ERC2: variants seen among roughly 807,000 people sequenced by gnomAD.
The protein encoded by ERC2 is ERC protein 2.
In ERC2, 42 loss-of-function variants were observed where a neutral mutation model predicts 114.8. The ratio of observed to expected loss-of-function variants is 0.37; its 90% CI spans 0.29 to 0.47. The LOEUF is 0.47. Ranked by LOEUF, ERC2 falls within the 20% of genes least tolerant of loss-of-function variation. ERC2 has a pLI of 0.99. For missense variants in ERC2, 939 were observed against 1,150.7 expected (o/e 0.82, Z 2.66); for synonymous variants, 454 against 425.5 (o/e 1.07, Z -0.82).
At chr3:55,555,210 A>G (rs2055517912) in intron 17 of ERC2, among the ~76,000 whole-genome samples, 1 of 152,230 alleles carries the variant, frequency 6.6e-6, no homozygotes, top group Non-Finnish European at 1.5e-5. Flanking sequence ...CTCTGCATCC[A>G]CAACTACTGT....
intron 3 of ERC2, among the ~76,000 whole-genome samples, chr3:56,221,687 G>A (rs1044885503): frequency 1.3e-5 from 2 of 152,128 alleles, no homozygotes; most frequent in South Asian, 2.1e-4. Context: ...GGTGGATCAC[G>A]AGGTCAGGAG....
intron 14 of ERC2, among the ~76,000 whole-genome samples, chr3:55,792,756 A>G (rs1248438391): frequency 6.6e-6 from 1 of 152,232 alleles, no homozygotes; most frequent in African/African-American, 2.4e-5. Flanking sequence ...AAAGCTAAGA[A>G]GTTGAAACCA....
At chr3:55,644,861 G>A (rs531953030) in intron 17 of ERC2, among the ~76,000 whole-genome samples, 20 of 152,074 alleles carry the variant, frequency 1.3e-4, no homozygotes, top group African/African-American at 4.3e-4. Context: ...CATCCAAGGA[G>A]CCCATGACCT....
intron 10 of ERC2, among the ~76,000 whole-genome samples, chr3:56,005,369 G>C (rs186922415): frequency 2.0e-5 from 3 of 151,974 alleles, no homozygotes; most frequent in East Asian, 3.9e-4. Context: ...GTCTACCTGC[G>C]AGTCAAAGGA....
intron 2 of ERC2, among the ~76,000 whole-genome samples, chr3:56,381,964 T>G (rs1428611123): frequency 6.6e-6 from 1 of 152,170 alleles, no homozygotes; most frequent in Non-Finnish European, 1.5e-5. Context: ...CCTGACTTAA[T>G]CCATTCACCT....
At chr3:56,291,380 T>C (rs1434853614) in intron 3 of ERC2, among the ~76,000 whole-genome samples, 2 of 152,232 alleles carry the variant, frequency 1.3e-5, no homozygotes, top group Non-Finnish European at 2.9e-5. Flanking sequence ...TCCAAGTAAG[T>C]TGAGATCATA....
At chr3:56,125,928 T>C (rs1360927107) in intron 6 of ERC2, among the ~76,000 whole-genome samples, 1 of 152,170 alleles carries the variant, frequency 6.6e-6, no homozygotes. Flanking sequence ...TAATTTACTT[T>C]TATTTCATTT....
chr3:56,465,288 A>T (rs1230614003), intron 1 of ERC2, among the ~76,000 whole-genome samples: 1 of 152,152 alleles, frequency 6.6e-6, no homozygotes, highest in African/African-American at 2.4e-5. Flanking sequence ...AATCCCAGCT[A>T]CTTGGGAGGC....
At chr3:55,800,430 C>A (rs2070951185) in intron 14 of ERC2, among the ~76,000 whole-genome samples, 2 of 152,092 alleles carry the variant, frequency 1.3e-5, no homozygotes. Flanking sequence ...GTGTGAGCCA[C>A]CGCGCCTAGC....
At chr3:55,792,687 C>T (rs188289777) in intron 14 of ERC2, among the ~76,000 whole-genome samples, 1 of 152,268 alleles carries the variant, frequency 6.6e-6, no homozygotes, top group African/African-American at 2.4e-5. Context: ...GGATCCCGGA[C>T]AACTTTTCCA....
intron 13 of ERC2, among the ~76,000 whole-genome samples, chr3:55,926,706 T>C (rs929238144): frequency 1.3e-5 from 2 of 152,134 alleles, no homozygotes; most frequent in Admixed American, 6.5e-5. Flanking sequence ...AACTCGAGCA[T>C]CATGGCCTCT....
rs190822269 is a variant in ERC2 at position 56,236,646 on chromosome 3, T to C, written c.1074+59373A>G. Among the ~76,000 whole-genome samples, 65 of 152,318 alleles carry C rather than the reference T, an allele frequency of 4.3e-4. No individual in the cohort carries two copies. The Middle Eastern group carries it at 0.01, about 24-fold the overall frequency. On this transcript the variant is annotated intron_variant, in intron 3 of 17. Transcript: ENST00000288221. ...CAAGCACTGGGGTCTATTTATTATA[T>C]TGAGGTATTTTGGGCTCCTTGATGG... is the stretch of plus-strand genomic sequence containing the variant.
intron 14 of ERC2, among the ~76,000 whole-genome samples, chr3:55,770,328 G>A (rs188095705): frequency 2.6e-5 from 4 of 152,268 alleles, no homozygotes; most frequent in Non-Finnish European, 4.4e-5. Context: ...CAGAACCATA[G>A]GAACATTGTG....
intron 3 of ERC2, among the ~76,000 whole-genome samples, chr3:56,241,854 TA>T (rs1486142090): frequency 6.6e-6 from 1 of 152,232 alleles, no homozygotes; most frequent in Non-Finnish European, 1.5e-5. Context: ...ACATATGGGT[TA>T]AATGCCAGCT....
intron 6 of ERC2, 34 bp downstream of exon 6, chr3:56,139,473 GTC>G: frequency 6.3e-7 from 1 of 1,581,224 alleles, no homozygotes; most frequent in African/African-American, 1.4e-5. Flanking sequence ...TCAATTCAAT[GTC>G]TCTGCTGTCT....
At chr3:56,027,263 G>T (rs1272728214) in intron 7 of ERC2, among the ~76,000 whole-genome samples, 3 of 152,180 alleles carry the variant, frequency 2.0e-5, no homozygotes, top group African/African-American at 7.2e-5. Context: ...ACAAATAAAC[G>T]ACTATGAACA....
chr3:55,594,823 C>T (rs2058057350), intron 17 of ERC2, among the ~76,000 whole-genome samples: 1 of 152,092 alleles, frequency 6.6e-6, no homozygotes, highest in Non-Finnish European at 1.5e-5. Context: ...TTCTTGAGTT[C>T]TTTGATTACA....
chr3:55,953,689 G>A (rs989171161), intron 12 of ERC2, among the ~76,000 whole-genome samples: 2 of 151,992 alleles, frequency 1.3e-5, no homozygotes, highest in Non-Finnish European at 2.9e-5. Context: ...ATGTTAAAAT[G>A]GCAATTTATA....
chr3:55,913,701 A>G (rs1388893247), intron 13 of ERC2, among the ~76,000 whole-genome samples: 1 of 152,198 alleles, frequency 6.6e-6, no homozygotes, highest in Non-Finnish European at 1.5e-5. Flanking sequence ...CTTTCCCAGA[A>G]AGAAGATGGG....
Sources: gnomAD v4.1 joint callset for allele counts (sites outside exome capture counted in the v4.1 genomes callset) on GRCh38, gnomAD v4.1.1 for gene constraint, MANE v1.5 for transcripts, NCBI Gene and HGNC (gene_info 2026-07-23, HGNC 2026-07-21) for gene names.